SUCLG2: variants seen among roughly 807,000 people sequenced by gnomAD.
SUCLG2 encodes the protein succinate--CoA ligase [GDP-forming] subunit beta, mitochondrial.
A neutral mutation model predicts 47.9 loss-of-function variants in SUCLG2; 42 were observed. That is an observed-to-expected ratio of 0.88 (90% CI 0.69 to 1.14). The LOEUF (loss-of-function observed/expected upper bound fraction) is 1.14. Among genes scored for constraint, SUCLG2 ranks in the 50% most tolerant of loss-of-function variants. The probability of loss-of-function intolerance (pLI) is 0.00; values close to 1 mark genes in which losing one functional copy is unlikely to be tolerated. For synonymous variants in SUCLG2, 195 were observed against 197.3 expected, an observed-to-expected ratio of 0.99 and a Z score of 0.10; for missense variants, 571 against 525.9, an observed-to-expected ratio of 1.09 and a Z score of -0.84.
intron 10 of SUCLG2, among the ~76,000 whole-genome samples, chr3:67,395,544 A>T (rs1272643602): frequency 6.6e-6 from 1 of 152,196 alleles, no homozygotes; most frequent in African/African-American, 2.4e-5. Context: ...GGACCTACAA[A>T]GAGACTTACT....
At chr3:67,481,033 T>C (rs1657933001) in intron 9 of SUCLG2, among the ~76,000 whole-genome samples, 1 of 150,596 alleles carries the variant, frequency 6.6e-6, no homozygotes, top group Non-Finnish European at 1.5e-5. Flanking sequence ...CTGTTTTTTT[T>C]ACAAACATAT....
At chr3:67,387,922 AAG>A (rs373186605) in intron 10 of SUCLG2, among the ~76,000 whole-genome samples, 420 of 152,082 alleles carry the variant, frequency 2.8e-3, no homozygotes, top group African/African-American at 9.5e-3. Flanking sequence ...AAGGAGGATC[AAG>A]AGAGATGTAA....
chr3:67,639,175 C>T (rs942272368), intron 1 of SUCLG2, among the ~76,000 whole-genome samples: 1 of 151,708 alleles, frequency 6.6e-6, no homozygotes. Flanking sequence ...AATGTACATT[C>T]GAAAAAAATG....
intron 2 of SUCLG2, among the ~76,000 whole-genome samples, chr3:67,559,843 C>A (rs1422541488): frequency 6.6e-6 from 1 of 151,882 alleles, no homozygotes; most frequent in Admixed American, 6.6e-5. Context: ...GAATGTACAA[C>A]ACCAAGAGTA....
intron 1 of SUCLG2, among the ~76,000 whole-genome samples, chr3:67,647,810 C>G (rs994448906): frequency 1.3e-5 from 2 of 152,190 alleles, no homozygotes; most frequent in African/African-American, 4.8e-5. Flanking sequence ...ATCTTCACCC[C>G]TCTGAGCCTC....
intron 2 of SUCLG2, among the ~76,000 whole-genome samples, chr3:67,587,973 T>C (rs894414951): frequency 6.6e-6 from 1 of 152,136 alleles, no homozygotes; most frequent in Non-Finnish European, 1.5e-5. Context: ...AATTAATAAA[T>C]TACCTGTCAA....
Position 67,587,917 on chromosome 3 carries a change from T to C in SUCLG2, c.226+21538A>G, listed in dbSNP as rs574313169. Among the ~76,000 whole-genome samples, 6 of 152,308 alleles carry C rather than the reference T, an allele frequency of 3.9e-5. No homozygotes were observed. The South Asian group carries it at 1.2e-3, about 32-fold the overall frequency. On this transcript the variant is annotated intron_variant, in intron 2 of 10. Transcript: ENST00000307227. Reference sequence around the variant, plus strand: ...GCTTTATAATATTTTCCTACTACTTTGTTACATGCACATTTGCCAAAATTT... The same window carrying C: ...GCTTTATAATATTTTCCTACTACTTCGTTACATGCACATTTGCCAAAATTT...
In SUCLG2 at chr3:67,375,868, G is replaced by C. The variant is rs1271821693; in HGVS notation, c.1184-9C>G. The C allele has an allele frequency of 1.2e-6, 2 of 1,611,766 alleles. No homozygotes were observed. Among genetic ancestry groups the C allele is most frequent in the South Asian group, 1.1e-5 (1 of 90,398 alleles). On this transcript the variant is annotated splice_polypyrimidine_tract_variant and intron_variant, in intron 10 of 10. Coordinates refer to ENST00000307227, the MANE Select transcript of SUCLG2 (RefSeq NM_003848.4). ...CTCTTGGACGTTGGTTCCTAGAAGG[G>C]GGACAGGGAACAATCACTGAATGAA... is the stretch of plus-strand genomic sequence containing the variant.
At chr3:67,468,253 T>C (rs974371821) in intron 9 of SUCLG2, among the ~76,000 whole-genome samples, 3 of 152,232 alleles carry the variant, frequency 2.0e-5, no homozygotes, top group Admixed American at 6.5e-5. Flanking sequence ...AGTATAGACA[T>C]GGACCCTGTC....
At chr3:67,393,402 C>T (rs559884785) in intron 10 of SUCLG2, among the ~76,000 whole-genome samples, 121 of 149,854 alleles carry the variant, frequency 8.1e-4, no homozygotes, top group Admixed American at 1.3e-3. Context: ...CCTACGCCCA[C>T]GGAGTCTCAC....
intron 9 of SUCLG2, among the ~76,000 whole-genome samples, chr3:67,403,238 G>T (rs1465074939): frequency 1.3e-5 from 2 of 152,162 alleles, no homozygotes; most frequent in East Asian, 3.9e-4. Context: ...GAAATGAATA[G>T]CTGTTGTTCT....
intron 9 of SUCLG2, among the ~76,000 whole-genome samples, chr3:67,471,449 C>G (rs1019656037): frequency 1.3e-5 from 2 of 152,112 alleles, no homozygotes; most frequent in Non-Finnish European, 2.9e-5. Flanking sequence ...CTTCCATGAC[C>G]CAACTGCAGC....
intron 9 of SUCLG2, among the ~76,000 whole-genome samples, chr3:67,442,333 A>G (rs540096971): frequency 2.4e-4 from 37 of 152,248 alleles, no homozygotes; most frequent in African/African-American, 8.4e-4. Context: ...TCAAATCACA[A>G]CTGAAATCCC....
intron 10 of SUCLG2, among the ~76,000 whole-genome samples, chr3:67,365,326 A>G (rs184870989): frequency 4.7e-4 from 72 of 152,370 alleles, no homozygotes; most frequent in Non-Finnish European, 7.8e-4. Flanking sequence ...ATTTTCAAGA[A>G]TAAGTCTGAG....
intron 9 of SUCLG2, among the ~76,000 whole-genome samples, chr3:67,475,087 T>C (rs1450777994): frequency 6.6e-6 from 1 of 152,052 alleles, no homozygotes; most frequent in East Asian, 1.9e-4. Flanking sequence ...ATATCTTTTG[T>C]ATTAGTGTCA....
downstream of SUCLG2, among the ~76,000 whole-genome samples, chr3:67,373,701 T>G (rs1464124035): frequency 6.6e-6 from 1 of 152,130 alleles, no homozygotes; most frequent in Non-Finnish European, 1.5e-5. Flanking sequence ...CTTCTTTCCT[T>G]CCTCTCTCCT....
intron 10 of SUCLG2, among the ~76,000 whole-genome samples, chr3:67,399,545 A>G (rs1272851706): frequency 6.6e-6 from 1 of 152,228 alleles, no homozygotes; most frequent in African/African-American, 2.4e-5. Flanking sequence ...GACAATGTGC[A>G]CCTGCCCTGT....
intron 4 of SUCLG2, among the ~76,000 whole-genome samples, chr3:67,522,401 T>G (rs1424467028): frequency 6.6e-6 from 1 of 152,114 alleles, no homozygotes; most frequent in South Asian, 2.1e-4. Flanking sequence ...TTAGTGAGTA[T>G]TTTTGTACAT....
chr3:67,647,208 C>A (rs1701208140), intron 1 of SUCLG2, among the ~76,000 whole-genome samples: 1 of 152,160 alleles, frequency 6.6e-6, no homozygotes, highest in African/African-American at 2.4e-5. Flanking sequence ...ACAAACCATG[C>A]CTTGTGCTTT....
Sources: gnomAD v4.1 joint callset for allele counts (sites outside exome capture counted in the v4.1 genomes callset) on GRCh38, gnomAD v4.1.1 for gene constraint, MANE v1.5 for transcripts, NCBI Gene and HGNC (gene_info 2026-07-23, HGNC 2026-07-21) for gene names.